The following STX12 variants were observed in gnomAD, a reference collection of about 807,000 sequenced individuals.
STX12 encodes syntaxin-12.
STX12 carries 17 observed loss-of-function variants against 42.2 expected under a neutral mutation model. The observed-to-expected ratio is 0.40, with a 90% CI of 0.28 to 0.60. STX12 has a LOEUF of 0.60. Ranked by LOEUF, STX12 falls within the 20% of genes least tolerant of loss-of-function variation. STX12 has a pLI of 0.39. For missense variants in STX12, 297 were observed against 330.9 expected (o/e 0.90, Z 0.79); for synonymous variants, 108 against 116.7 (o/e 0.93, Z 0.48).
At chr1:27,781,435 T>C (rs967568975) in intron 1 of STX12, among the ~76,000 whole-genome samples, 2 of 152,170 alleles carry the variant, frequency 1.3e-5, no homozygotes, top group South Asian at 4.1e-4. Context: ...ATTGCCAGGA[T>C]TTGAATCCTA....
intron 2 of STX12, among the ~76,000 whole-genome samples, chr1:27,792,943 A>G (rs758595112): frequency 1.3e-5 from 2 of 152,206 alleles, no homozygotes; most frequent in Non-Finnish European, 2.9e-5. Flanking sequence ...TTTAACAGGT[A>G]AGGCTTCTTT....
At chr1:27,804,462 TAAAA>T (rs1048197774) in intron 4 of STX12, among the ~76,000 whole-genome samples, 2 of 141,728 alleles carry the variant, frequency 1.4e-5, no homozygotes, top group Non-Finnish European at 3.1e-5. Flanking sequence ...TCTTGAATCT[TAAAA>T]AAAAAAAAAA....
At chr1:27,790,172 G>A (rs1236677055) in intron 2 of STX12, among the ~76,000 whole-genome samples, 1 of 152,192 alleles carries the variant, frequency 6.6e-6, no homozygotes, top group Non-Finnish European at 1.5e-5. Context: ...ACATTGTATT[G>A]TGTCTGGAGT....
chr1:27,793,614 C>T lies in STX12; in HGVS notation c.270C>T (p.Pro90=), dbSNP rs1242155366. ...LLKELGSLPL[P]LSTSEQRQQR... is the part of the protein sequence containing the mutation. ...AAGAATTAGGGTCCTTGCCCCTTCC[C>T]TTATCTACTTCAGAACAGGTTGGTA... The change falls in exon 3 of 9, where the codon CCC becomes CCT. Residue 90 remains proline, a synonymous_variant. Transcript: ENST00000373943. 12 of 1,613,768 alleles carry T rather than the reference C, an allele frequency of 7.4e-6. No homozygotes were observed. In the South Asian group the frequency reaches 8.8e-5, roughly 12 times the overall value.
intron 8 of STX12, among the ~76,000 whole-genome samples, 174 bp from the exon 9 acceptor site, chr1:27,822,057 A>C (rs950700203): frequency 6.6e-6 from 1 of 152,024 alleles, no homozygotes; most frequent in Non-Finnish European, 1.5e-5. Context: ...AAACACTTGC[A>C]CTACTACCTA....
intron 3 of STX12, among the ~76,000 whole-genome samples, chr1:27,794,198 C>T (rs932583729): frequency 1.3e-5 from 2 of 151,834 alleles, no homozygotes; most frequent in Admixed American, 6.6e-5. Flanking sequence ...CTAATTTTAA[C>T]AATTTTTTTG....
chr1:27,775,325 G>A (rs2088622001), intron 1 of STX12, among the ~76,000 whole-genome samples: 1 of 152,156 alleles, frequency 6.6e-6, no homozygotes, highest in African/African-American at 2.4e-5. Context: ...AGGCTGGTAT[G>A]CAGTGGCATG....
chr1:27,778,258 AGTG>A (rs1486116298), intron 1 of STX12, among the ~76,000 whole-genome samples: 18 of 152,308 alleles, frequency 1.2e-4, no homozygotes, highest in African/African-American at 4.1e-4. Flanking sequence ...GCCTGGTACA[AGTG>A]GTGATTATCA....
At chr1:27,804,560 C>T (rs12059005) in intron 4 of STX12, among the ~76,000 whole-genome samples, 64 of 151,974 alleles carry the variant, frequency 4.2e-4, no homozygotes, top group African/African-American at 1.4e-3. Context: ...GCCTGTAATC[C>T]CAGCACTTTG....
At chr1:27,775,763 A>C (rs2088624623) in intron 1 of STX12, among the ~76,000 whole-genome samples, 1 of 152,168 alleles carries the variant, frequency 6.6e-6, no homozygotes, top group Non-Finnish European at 1.5e-5. Flanking sequence ...ATGGCATTTG[A>C]GTTATGTCTG....
intron 2 of STX12, 100 bp downstream of exon 2, chr1:27,789,731 A>G: frequency 1.2e-6 from 1 of 843,250 alleles, no homozygotes; most frequent in South Asian, 1.5e-5. Context: ...GGAAGTCAGA[A>G]TGAGAGGCAG....
At chr1:27,775,595 T>C (rs563805969) in intron 1 of STX12, among the ~76,000 whole-genome samples, 1 of 152,292 alleles carries the variant, frequency 6.6e-6, no homozygotes, top group East Asian at 1.9e-4. Context: ...TATTTGAGTA[T>C]GTAGTAAGTA....
intron 5 of STX12, among the ~76,000 whole-genome samples, chr1:27,811,434 C>T: frequency 6.6e-6 from 1 of 152,010 alleles, no homozygotes; most frequent in East Asian, 1.9e-4. Flanking sequence ...GCAAGACCCC[C>T]ATTTCTAAAA....
At chr1:27,809,068 G>C (rs1019765618) in intron 4 of STX12, among the ~76,000 whole-genome samples, 1 of 152,178 alleles carries the variant, frequency 6.6e-6, no homozygotes, top group African/African-American at 2.4e-5. Flanking sequence ...GGGCGCTGTG[G>C]CTCACGCCTG....
intron 4 of STX12, 37 bp downstream of exon 4, chr1:27,801,852 A>G: frequency 1.9e-6 from 3 of 1,551,832 alleles, no homozygotes; most frequent in Non-Finnish European, 2.6e-6. Flanking sequence ...TTGCAATATC[A>G]GAATGTTCTT....
chr1:27,793,564 G>T lies in STX12; in HGVS notation c.220G>T (p.Ala74Ser). 2 of 1,613,974 alleles carry T rather than the reference G, an allele frequency of 1.2e-6. No individual in the cohort carries two copies. Residue 74 changes from alanine (A) to serine (S), a missense_variant, in exon 3 of 9, where the codon GCC becomes TCC. Physicochemically the swap from Ala to Ser is moderately conservative, Grantham distance 99. Transcript: ENST00000373943. The stretch of plus-strand genomic sequence containing the variant: ...GTTACAACACTCCACAAATCAGCTC[G>T]CCAAGGAAACAAATGAATTGCTGAA... Reference protein sequence around the residue: ...QQLQHSTNQLAKETNELLKEL... With the variant: ...QQLQHSTNQLSKETNELLKEL...
At chr1:27,810,433 T>A in intron 5 of STX12, 144 bp downstream of exon 5, 2 of 719,220 alleles carry the variant, frequency 2.8e-6, no homozygotes, top group Non-Finnish European at 4.5e-6. Flanking sequence ...AGAATAAAAT[T>A]AAAAAGGCAA....
At chr1:27,814,010 C>T (rs1194546243) in intron 6 of STX12, among the ~76,000 whole-genome samples, 1 of 152,158 alleles carries the variant, frequency 6.6e-6, no homozygotes, top group African/African-American at 2.4e-5. Context: ...AAGCGATTCT[C>T]CTGCCTCAGC....
intron 1 of STX12, among the ~76,000 whole-genome samples, chr1:27,778,720 A>G (rs1571514910): frequency 6.6e-6 from 1 of 151,740 alleles, no homozygotes; most frequent in Non-Finnish European, 1.5e-5. Flanking sequence ...AAAAAAGAAC[A>G]GCATTTCTGT....
Sources: gnomAD v4.1 joint callset for allele counts (sites outside exome capture counted in the v4.1 genomes callset) on GRCh38, gnomAD v4.1.1 for gene constraint, MANE v1.5 for transcripts, NCBI Gene and HGNC (gene_info 2026-07-23, HGNC 2026-07-21) for gene names.